Variants in LRMDA observed in about 807,000 individuals in gnomAD.
LRMDA encodes the protein leucine-rich melanocyte differentiation-associated protein.
LRMDA carries 18 observed loss-of-function variants against 29.8 expected under a neutral mutation model. That is an observed-to-expected ratio of 0.60 (90% CI 0.42 to 0.90). The LOEUF is 0.90. LRMDA is among the 40% of genes least tolerant of loss of function. LRMDA has a pLI of 0.00. For missense variants in LRMDA, 273 were observed against 273.9 expected (o/e 1.00, Z 0.02); for synonymous variants, 125 against 109.4 (o/e 1.14, Z -0.89).
chr10:76,014,017 A>T (rs1564630376), intron 2 of LRMDA, among the ~76,000 whole-genome samples: 1 of 149,582 alleles, frequency 6.7e-6, no homozygotes, highest in African/African-American at 2.5e-5. Flanking sequence ...AGTGATCCAC[A>T]TTACATCCCA....
intron 5 of LRMDA, among the ~76,000 whole-genome samples, chr10:76,144,771 T>C (rs201079065): frequency 0.14 from 20,953 of 151,674 alleles, 1,565 homozygotes; most frequent in East Asian, 0.24. Flanking sequence ...GTCTTGTGCC[T>C]GTTTTCAAAG....
At chr10:75,923,493 T>C (rs868789138) in intron 2 of LRMDA, among the ~76,000 whole-genome samples, 12 of 152,114 alleles carry the variant, frequency 7.9e-5, no homozygotes, top group African/African-American at 2.4e-4. Flanking sequence ...CCCCTAGAAA[T>C]GGCTTGACGT....
At chr10:76,545,829 C>T (rs1843415125) in intron 6 of LRMDA, among the ~76,000 whole-genome samples, 1 of 151,960 alleles carries the variant, frequency 6.6e-6, no homozygotes, top group Non-Finnish European at 1.5e-5. Flanking sequence ...AAAGCAATGT[C>T]ACGAGTTTTA....
chr10:76,151,020 A>G (rs1367958015), intron 5 of LRMDA, among the ~76,000 whole-genome samples: 1 of 152,090 alleles, frequency 6.6e-6, no homozygotes, highest in Non-Finnish European at 1.5e-5. Context: ...CGGGCAGCAG[A>G]ATCCAAGCGC....
At chr10:75,578,239 A>AG (rs1554902430) in intron 2 of LRMDA, among the ~76,000 whole-genome samples, 23 of 144,104 alleles carry the variant, frequency 1.6e-4, no homozygotes, top group Non-Finnish European at 3.2e-4. Flanking sequence ...AAAAAAAAAA[A>AG]GCAGCAGTTG....
At chr10:75,433,634 G>A (rs893983976) in intron 1 of LRMDA, among the ~76,000 whole-genome samples, 10 of 152,074 alleles carry the variant, frequency 6.6e-5, no homozygotes, top group Non-Finnish European at 1.3e-4. Flanking sequence ...CCTTGGATGT[G>A]GGTAGCATGG....
chr10:75,532,948 G>T (rs1845495152), intron 2 of LRMDA, among the ~76,000 whole-genome samples: 2 of 152,122 alleles, frequency 1.3e-5, no homozygotes, highest in Admixed American at 1.3e-4. Flanking sequence ...CCATCAAGGG[G>T]CTCACTCTCT....
chr10:75,649,903 G>A (rs759883515), intron 2 of LRMDA, among the ~76,000 whole-genome samples: 41 of 152,098 alleles, frequency 2.7e-4, no homozygotes, highest in South Asian at 4.2e-4. Flanking sequence ...TGTACTTATT[G>A]GCCATATGCA....
intron 2 of LRMDA, among the ~76,000 whole-genome samples, chr10:75,797,813 C>T (rs1351417995): frequency 1.3e-5 from 2 of 152,114 alleles, no homozygotes; most frequent in Non-Finnish European, 2.9e-5. Flanking sequence ...AACAATGCTG[C>T]CATAAATATT....
chr10:76,171,876 A>G (rs982827282), intron 5 of LRMDA, among the ~76,000 whole-genome samples: 1 of 152,192 alleles, frequency 6.6e-6, no homozygotes, highest in African/African-American at 2.4e-5. Flanking sequence ...AGAACACCTG[A>G]GGCTGAGTAG....
At chr10:76,006,108 C>T (rs1225094378) in intron 2 of LRMDA, among the ~76,000 whole-genome samples, 1 of 151,968 alleles carries the variant, frequency 6.6e-6, no homozygotes, top group Non-Finnish European at 1.5e-5. Context: ...GTTGATGGGG[C>T]AGAGGCCTCA....
intron 2 of LRMDA, among the ~76,000 whole-genome samples, chr10:75,683,006 A>G (rs1342244647): frequency 6.6e-6 from 1 of 152,084 alleles, no homozygotes; most frequent in African/African-American, 2.4e-5. Flanking sequence ...TTAATTCACG[A>G]TGTTCGAGGT....
At chr10:75,931,995 C>T (rs1408636118) in intron 2 of LRMDA, among the ~76,000 whole-genome samples, 1 of 152,194 alleles carries the variant, frequency 6.6e-6, no homozygotes, top group Non-Finnish European at 1.5e-5. Context: ...AACAACAGAA[C>T]CAGAGGTTCA....
intron 2 of LRMDA, among the ~76,000 whole-genome samples, chr10:76,032,017 G>A (rs1245725219): frequency 6.6e-6 from 1 of 152,200 alleles, no homozygotes. Flanking sequence ...TTGATCCAGG[G>A]GTTCTGGAAG....
intron 5 of LRMDA, among the ~76,000 whole-genome samples, chr10:76,312,822 TATTTA>T (rs1484597476): frequency 2.6e-5 from 4 of 151,738 alleles, no homozygotes; most frequent in African/African-American, 9.7e-5. Context: ...ATATAATGCC[TATTTA>T]ATTATGAAAT....
intron 6 of LRMDA, among the ~76,000 whole-genome samples, chr10:76,437,720 G>A (rs2132288626): frequency 6.6e-6 from 1 of 152,302 alleles, no homozygotes; most frequent in Non-Finnish European, 1.5e-5. Context: ...CAGAATGGGT[G>A]CATTCACCAC....
chr10:75,827,331 TAGTTGTTGA>T (rs1298502706), intron 2 of LRMDA, among the ~76,000 whole-genome samples: 1 of 152,180 alleles, frequency 6.6e-6, no homozygotes, highest in Non-Finnish European at 1.5e-5. Flanking sequence ...AAGGAGGTCT[TAGTTGTTGA>T]AGTGGGTGTG....
At chr10:75,478,134 C>G (rs564078547) in intron 2 of LRMDA, among the ~76,000 whole-genome samples, 21 of 152,326 alleles carry the variant, frequency 1.4e-4, no homozygotes, top group East Asian at 3.9e-4. Context: ...CTGTGTGCAG[C>G]TGATCACCAG....
At chr10:76,415,183 G>C (rs1842001851) in intron 6 of LRMDA, among the ~76,000 whole-genome samples, 1 of 152,208 alleles carries the variant, frequency 6.6e-6, no homozygotes, top group Non-Finnish European at 1.5e-5. Context: ...GGACCTTCTG[G>C]TTCTCTAAAG....
Sources: gnomAD v4.1 joint callset for allele counts (sites outside exome capture counted in the v4.1 genomes callset) on GRCh38, gnomAD v4.1.1 for gene constraint, MANE v1.5 for transcripts, NCBI Gene and HGNC (gene_info 2026-07-23, HGNC 2026-07-21) for gene names.